LAD1: variants seen among roughly 807,000 people sequenced by gnomAD.
LAD1 encodes ladinin-1.
In LAD1, 53 loss-of-function variants were observed where a neutral mutation model predicts 54.2. The ratio of observed to expected loss-of-function variants is 0.98; its 90% CI spans 0.78 to 1.23. LAD1 has a LOEUF of 1.23. Among genes scored for constraint, LAD1 ranks in the 50% most tolerant of loss-of-function variants. LAD1 has a pLI of 0.00. For synonymous variants in LAD1, 231 were observed against 257.7 expected, an observed-to-expected ratio of 0.90 and a Z score of 0.99; for missense variants, 637 against 653.3, an observed-to-expected ratio of 0.98 and a Z score of 0.27.
intron 1 of LAD1, among the ~76,000 whole-genome samples, chr1:201,391,586 GA>G (rs1214294372): frequency 1.3e-5 from 2 of 152,234 alleles, no homozygotes; most frequent in African/African-American, 4.8e-5. Flanking sequence ...GTGAAAAAGA[GA>G]AGTGTGTCCA....
At chr1:201,390,566 A>G (rs1662180034) in intron 1 of LAD1, among the ~76,000 whole-genome samples, 1 of 152,138 alleles carries the variant, frequency 6.6e-6, no homozygotes, top group Non-Finnish European at 1.5e-5. Flanking sequence ...ATGTAGTTCA[A>G]ATCATACGTC....
At position 201,386,892 on chromosome 1, in the gene LAD1, C is replaced by T. The variant is rs1424253544; in HGVS notation, c.469G>A (p.Glu157Lys). 4 of 1,613,780 alleles carry T rather than the reference C, an allele frequency of 2.5e-6. No individual in the cohort carries two copies. The highest frequency in any genetic ancestry group is 3.4e-6 in the Non-Finnish European group (4 of 1,180,022). Residue 157 changes from glutamate to lysine, a missense_variant, in exon 3 of 10, where the codon GAG becomes AAG. By Grantham distance (56) the Glu-to-Lys change is moderately conservative. Coordinates refer to ENST00000391967, the MANE Select transcript of LAD1 (RefSeq NM_005558.4). ...SREQRGPWAL[E>K]EESLVGREPE... is the part of the protein sequence containing the mutation. ...TCCCTGCCCACCAAGCTCTCCTCCT[C>T]CAGGGCCCAGGGGCCCCGCTGTTCC...
In LAD1 at chr1:201,385,688, C is replaced by T; in HGVS notation, c.1131+13G>A. On this transcript the variant is annotated intron_variant, in intron 4 of 9. Coordinates refer to ENST00000391967, the MANE Select transcript of LAD1 (RefSeq NM_005558.4). Reference sequence around the variant, plus strand: ...TCCAGTGGCTCGCAGACCAGGGTGCCCAGGGCTCTCACCCGAAAGGAGATG... The same window carrying T: ...TCCAGTGGCTCGCAGACCAGGGTGCTCAGGGCTCTCACCCGAAAGGAGATG... 6.2e-7 allele frequency: 1 copy of T among 1,602,142 alleles called. No individual in the cohort carries two copies. Among genetic ancestry groups the T allele is most frequent in the South Asian group, 1.1e-5 (1 of 90,814 alleles).
At chr1:201,389,071 C>T in intron 2 of LAD1, 89 bp downstream of exon 2, 2 of 1,475,532 alleles carry the variant, frequency 1.4e-6, no homozygotes, top group East Asian at 4.6e-5. Flanking sequence ...TTCCTGGGCC[C>T]CAACTCCCTG....
chr1:201,388,112 G>A lies in LAD1; in HGVS notation c.183-934C>T, dbSNP rs181889990. ...TTCTTCTCCTCAGAAGTAAATTATA[G>A]GCCGGTGCAGCGGCTCACACCTGTA... On this transcript the variant is annotated intron_variant, in intron 2 of 9. Transcript: ENST00000391967. 1.4e-4 allele frequency among the ~76,000 whole-genome samples: 21 copies of A among 152,304 alleles called. No individual in the cohort carries two copies. The East Asian group carries it at 2.1e-3, about 15-fold the overall frequency.
intron 1 of LAD1, among the ~76,000 whole-genome samples, chr1:201,397,852 G>T (rs1662325465): frequency 6.6e-6 from 1 of 151,972 alleles, no homozygotes; most frequent in African/African-American, 2.4e-5. Context: ...ATAGGCACAG[G>T]TAGGCCCACA....
intron 1 of LAD1, among the ~76,000 whole-genome samples, chr1:201,393,563 T>C (rs1041864940): frequency 2.6e-5 from 4 of 151,886 alleles, no homozygotes; most frequent in South Asian, 2.1e-4. Flanking sequence ...CTGGCCAATA[T>C]GGTGAAACCC....
chr1:201,386,594 A>G lies in LAD1; in HGVS notation c.767T>C (p.Val256Ala), dbSNP rs769499324. Reference protein sequence around the residue: ...GMALGSGRRLVSEKASIFEKA... With the variant: ...GMALGSGRRLASEKASIFEKA... Reference sequence around the variant, plus strand: ...CTCAAAGATGGAAGCTTTCTCAGACACCAGCCTCCTTCCTGAGCCCAGTGC... The same window carrying G: ...CTCAAAGATGGAAGCTTTCTCAGACGCCAGCCTCCTTCCTGAGCCCAGTGC... Residue 256 changes from valine (V) to alanine (A), a missense_variant, in exon 3 of 10, where the codon GTG (valine) becomes GCG (alanine). Coordinates refer to ENST00000391967, the MANE Select transcript of LAD1 (RefSeq NM_005558.4). The G allele has an allele frequency of 1.9e-6, 3 of 1,614,024 alleles. No homozygotes were observed. Among genetic ancestry groups the G allele is most frequent in the South Asian group, 2.2e-5 (2 of 91,084 alleles).
chr1:201,383,450 C>T (rs1662009781), intron 5 of LAD1, 61 bp from the exon 6 acceptor site: 6 of 1,493,548 alleles, frequency 4.0e-6, no homozygotes, highest in Admixed American at 3.3e-5. Context: ...CCAGGCCTGC[C>T]CCCAGGGCCT....
At chr1:201,384,636 C>A in intron 5 of LAD1, 156 bp downstream of exon 5, 1 of 736,986 alleles carries the variant, frequency 1.4e-6, no homozygotes, top group Admixed American at 2.1e-5. Context: ...CCTGTTAATC[C>A]CATCCCCCTG....
chr1:201,389,889 G>A (rs1662168370), intron 1 of LAD1, among the ~76,000 whole-genome samples: 1 of 152,028 alleles, frequency 6.6e-6, no homozygotes, highest in South Asian at 2.1e-4. Context: ...GATATATTGG[G>A]GTAAATGAGC....
intron 4 of LAD1, among the ~76,000 whole-genome samples, chr1:201,385,081 G>A (rs57493785): frequency 2.6e-4 from 39 of 152,278 alleles, no homozygotes; most frequent in East Asian, 2.5e-3. Context: ...GACTTCCTTC[G>A]CAGGGCACCT....
intron 1 of LAD1, among the ~76,000 whole-genome samples, chr1:201,392,169 TA>T (rs1412349044): frequency 6.6e-6 from 1 of 152,244 alleles, no homozygotes. Flanking sequence ...TTTTCCCTCC[TA>T]AAATGAGAAG....
intron 1 of LAD1, among the ~76,000 whole-genome samples, chr1:201,396,273 G>A (rs1047970976): frequency 6.6e-5 from 10 of 152,048 alleles, no homozygotes; most frequent in African/African-American, 2.2e-4. Context: ...TGTCCCTCTC[G>A]GTGTCTCCAT....
In LAD1 at chr1:201,382,264, C is replaced by A. The variant is rs762162665; in HGVS notation, c.1536G>T (p.Ser512=). The A allele has an allele frequency of 1.2e-6, 2 of 1,613,182 alleles. No individual in the cohort carries two copies. Among genetic ancestry groups the A allele is most frequent in the South Asian group, 1.1e-5 (1 of 91,026 alleles). ...RTQWGQKSDS[S]LDAEV ...CCCCACCATTCACCTCAGCGTCCAG[C>A]GAGGAGTCAGATTTCTGTCCCCACT... Residue 512 remains serine, a synonymous_variant, in exon 9 of 10, where the codon TCG becomes TCT. Coordinates refer to ENST00000391967, the MANE Select transcript of LAD1 (RefSeq NM_005558.4).
At chr1:201,382,412 G>A in intron 8 of LAD1, 86 bp from the exon 9 acceptor site, 1 of 1,102,206 alleles carries the variant, frequency 9.1e-7, no homozygotes. Flanking sequence ...TCCCAGCCCA[G>A]GATGTCCTTT....
At chr1:201,382,783 G>T in intron 7 of LAD1, 44 bp from the exon 8 acceptor site, 1 of 1,443,960 alleles carries the variant, frequency 6.9e-7, no homozygotes, top group Non-Finnish European at 9.5e-7. Context: ...GCCCTTGGCA[G>T]CAGCGAGGCA....
At chr1:201,391,141 C>T (rs1662189923) in intron 1 of LAD1, 2 of 456,574 alleles carry the variant, frequency 4.4e-6, no homozygotes, top group African/African-American at 4.0e-5. Context: ...GCCTCCCTCA[C>T]CTTTCAGATG....
Position 201,386,541 on chromosome 1 carries a change from T to C in LAD1, c.820A>G (p.Thr274Ala), listed in dbSNP as rs68021059. 129,059 of 1,611,106 alleles carry C rather than the reference T, an allele frequency of 0.08. 5,679 individuals carry two copies. The highest frequency in any genetic ancestry group is 0.13 in the African/African-American group (9,423 of 74,680). ...TTTGGGGCCGGCTTAGCATCTGCAG[T>C]TGGGCTCTTCTCTGAGGCCAGTGCC... ...EKALASEKSP[T>A]ADAKPAPKRA... The change falls in exon 3 of 10, where the codon ACT becomes GCT. Residue 274 changes from threonine (T) to alanine (A), a missense_variant. Physicochemically the swap from Thr to Ala is moderately conservative, Grantham distance 58. Coordinates refer to ENST00000391967, the MANE Select transcript of LAD1 (RefSeq NM_005558.4).
Sources: allele counts gnomAD v4.1 joint callset (sites outside exome capture counted in the v4.1 genomes callset), GRCh38; gene constraint gnomAD v4.1.1; transcripts MANE v1.5; gene names NCBI Gene and HGNC (gene_info 2026-07-23, HGNC 2026-07-21).